The following PIGL variants were observed in gnomAD, a reference collection of about 807,000 sequenced individuals.
The protein encoded by PIGL is phosphatidylinositol glycan anchor biosynthesis class L.
Under a neutral mutation model 31.1 loss-of-function variants are expected in PIGL, and 22 were observed. That is an observed-to-expected ratio of 0.71 (90% CI 0.51 to 1.01). PIGL has a LOEUF of 1.01. Among genes scored for constraint, PIGL ranks in the 50% least tolerant of loss-of-function variants. The pLI, the probability that PIGL is intolerant of heterozygous loss-of-function variation, is 0.00. For synonymous variants in PIGL, 131 were observed against 117.4 expected (o/e 1.12, Z -0.75); for missense variants, 302 against 315.9 (o/e 0.96, Z 0.33).
chr17:16,237,856 C>T (rs1415075869), intron 2 of PIGL, among the ~76,000 whole-genome samples: 2 of 150,998 alleles, frequency 1.3e-5, no homozygotes, highest in Admixed American at 6.6e-5. Context: ...ACTGAAAGTC[C>T]TTTCCAAGAA....
chr17:16,308,790 G>A (rs1203769819), intron 3 of PIGL, among the ~76,000 whole-genome samples: 1 of 114,834 alleles, frequency 8.7e-6, no homozygotes, highest in African/African-American at 3.3e-5. Flanking sequence ...ACTGCATCCA[G>A]GCTTTTTTTT....
intron 2 of PIGL, among the ~76,000 whole-genome samples, chr17:16,291,343 T>C (rs574743722): frequency 2.0e-5 from 3 of 147,080 alleles, no homozygotes; most frequent in Non-Finnish European, 4.5e-5. Flanking sequence ...CCCATTTTCA[T>C]TAAAAATACA....
chr17:16,311,486 A>ATTTTTTTTTTTTTTTTTTT (rs1568840853), intron 3 of PIGL, among the ~76,000 whole-genome samples: 11 of 10,302 alleles, frequency 1.1e-3, no homozygotes, highest in East Asian at 4.8e-3. Context: ...TTTTTTGATC[A>ATTTTTTTTTTTTTTTTTTT]TTCTTGGGTG....
At chr17:16,301,224 C>A (rs1233574694) in intron 3 of PIGL, among the ~76,000 whole-genome samples, 1 of 151,522 alleles carries the variant, frequency 6.6e-6, no homozygotes, top group Non-Finnish European at 1.5e-5. Flanking sequence ...TCCCAAGTAG[C>A]TAGAACTATA....
chr17:16,220,477 G>GTTTTTTTTTTTTTTTTTTTTTTT (rs1171079537), intron 1 of PIGL, among the ~76,000 whole-genome samples: 1 of 70,054 alleles, frequency 1.4e-5, no homozygotes, highest in African/African-American at 5.0e-5. Flanking sequence ...TTTTTAAATT[G>GTTTTTTTTTTTTTTTTTTTTTTT]TTATTTTTTT....
In PIGL at chr17:16,310,033, G is replaced by T. The variant is rs1480534180; in HGVS notation, c.427-3514G>T. On this transcript the variant is annotated intron_variant, in intron 3 of 6. Transcript: ENST00000225609. ...ACAGAGGTTGCAGTGAGCCAAGATCGCACCACTGCACTCTAGCTTGGGCAA... is the reference window on the plus strand; with the variant it reads ...ACAGAGGTTGCAGTGAGCCAAGATCTCACCACTGCACTCTAGCTTGGGCAA... Among the ~76,000 whole-genome samples the T allele has an allele frequency of 2.2e-5, 3 of 133,594 alleles. No homozygotes were observed. The Admixed American group carries it at 2.6e-4, about 12-fold the overall frequency. 87.6% of individuals were successfully genotyped at this position (133,594 alleles called of 152,430 possible).
At chr17:16,302,746 C>T (rs975608173) in intron 3 of PIGL, among the ~76,000 whole-genome samples, 10 of 152,094 alleles carry the variant, frequency 6.6e-5, no homozygotes, top group African/African-American at 2.4e-4. Context: ...ACTACAGGTG[C>T]GCGCCACCAC....
intron 2 of PIGL, chr17:16,281,992 C>G: frequency 2.0e-6 from 1 of 499,678 alleles, no homozygotes; most frequent in South Asian, 1.5e-5. Context: ...GGGGCGACAG[C>G]TGTCCATGGG....
At chr17:16,274,894 T>C (rs935557546) in intron 2 of PIGL, among the ~76,000 whole-genome samples, 4 of 151,676 alleles carry the variant, frequency 2.6e-5, no homozygotes, top group Admixed American at 1.3e-4. Context: ...TAGCCGAGTG[T>C]GGTGGCTTGC....
At chr17:16,308,792 C>CTTTTT (rs71150288) in intron 3 of PIGL, among the ~76,000 whole-genome samples, 4 of 114,438 alleles carry the variant, frequency 3.5e-5, no homozygotes, top group Non-Finnish European at 6.6e-5. Flanking sequence ...TGCATCCAGG[C>CTTTTT]TTTTTTTTTT....
intron 2 of PIGL, among the ~76,000 whole-genome samples, chr17:16,285,138 A>G (rs1438827262): frequency 6.6e-6 from 1 of 152,238 alleles, no homozygotes; most frequent in Non-Finnish European, 1.5e-5. Context: ...CAATTTTTGA[A>G]GAAAGATTTC....
At chr17:16,283,046 A>G (rs748787939) in intron 2 of PIGL, among the ~76,000 whole-genome samples, 2 of 151,420 alleles carry the variant, frequency 1.3e-5, no homozygotes, top group African/African-American at 4.9e-5. Context: ...TCTGTTGCCC[A>G]GGTTGGAGTG....
At chr17:16,288,764 C>T (rs2092948553) in intron 2 of PIGL, among the ~76,000 whole-genome samples, 1 of 152,022 alleles carries the variant, frequency 6.6e-6, no homozygotes, top group South Asian at 2.1e-4. Flanking sequence ...GCCTCAAACT[C>T]CTGACCTCAG....
At chr17:16,238,931 C>T (rs190028066) in intron 2 of PIGL, among the ~76,000 whole-genome samples, 6,403 of 127,462 alleles carry the variant, frequency 0.05, 187 homozygotes, top group African/African-American at 0.091. Context: ...AAAAAAAAGA[C>T]GGGGTTTCGC....
intron 1 of PIGL, 31 bp downstream of exon 1, chr17:16,217,492 C>T: frequency 6.4e-7 from 1 of 1,554,372 alleles, no homozygotes; most frequent in Non-Finnish European, 8.9e-7. Context: ...CGATGGGAGC[C>T]GGGGCTTTGA....
chr17:16,262,515 C>T (rs192438723), intron 2 of PIGL, among the ~76,000 whole-genome samples: 4 of 152,122 alleles, frequency 2.6e-5, no homozygotes, highest in Admixed American at 2.6e-4. Context: ...TTCGGCGGTT[C>T]CTCAAAAACT....
At chr17:16,248,647 T>C (rs754580051) in intron 2 of PIGL, among the ~76,000 whole-genome samples, 4 of 152,216 alleles carry the variant, frequency 2.6e-5, no homozygotes, top group African/African-American at 7.2e-5. Flanking sequence ...ATGTCCATAT[T>C]TCTACCAACC....
chr17:16,234,688 C>T (rs1397569244), intron 2 of PIGL, among the ~76,000 whole-genome samples: 1 of 152,178 alleles, frequency 6.6e-6, no homozygotes, highest in African/African-American at 2.4e-5. Context: ...TCGCTTGAAC[C>T]TGGGAGGCAG....
chr17:16,233,936 A>G, intron 1 of PIGL, 35 bp from the exon 2 acceptor site: 1 of 1,279,184 alleles, frequency 7.8e-7, no homozygotes, highest in East Asian at 2.3e-5. Flanking sequence ...CTGTTAAAAA[A>G]AAAAAATCTA....
Sources: allele counts gnomAD v4.1 joint callset (sites outside exome capture counted in the v4.1 genomes callset), GRCh38; gene constraint gnomAD v4.1.1; transcripts MANE v1.5; gene names NCBI Gene and HGNC (gene_info 2026-07-23, HGNC 2026-07-21).